The following DIAPH1 variants were observed in gnomAD, a reference collection of about 807,000 sequenced individuals.
DIAPH1 encodes protein diaphanous homolog 1.
A neutral mutation model predicts 140.7 loss-of-function variants in DIAPH1; 46 were observed. That is an observed-to-expected ratio of 0.33 (90% CI 0.26 to 0.42). DIAPH1 has a LOEUF of 0.42. DIAPH1 is among the 10% of genes least tolerant of loss of function. DIAPH1 has a pLI of 1.00. For missense variants in DIAPH1, 1,310 were observed against 1,558.7 expected, an observed-to-expected ratio of 0.84 and a Z score of 2.69; for synonymous variants, 565 against 551.6, an observed-to-expected ratio of 1.02 and a Z score of -0.34.
intron 5 of DIAPH1, 27 bp downstream of exon 5, chr5:141,583,458 C>T: frequency 6.2e-7 from 1 of 1,614,234 alleles, no homozygotes; most frequent in Non-Finnish European, 8.5e-7. Flanking sequence ...TTGGCTCCTA[C>T]TCCTGTTACC....
At chr5:141,552,129 T>C (rs2099891788) in intron 18 of DIAPH1, among the ~76,000 whole-genome samples, 1 of 152,036 alleles carries the variant, frequency 6.6e-6, no homozygotes, top group Non-Finnish European at 1.5e-5. Context: ...TTAAGGATCT[T>C]GAGATGACAG....
chr5:141,560,476 A>G (rs1160566136), intron 18 of DIAPH1: 2 of 157,710 alleles, frequency 1.3e-5, no homozygotes, highest in Admixed American at 6.3e-5. Context: ...TCTCTTTTAT[A>G]TCTCTCAATT....
chr5:141,618,203 A>C (rs986707354), intron 1 of DIAPH1, among the ~76,000 whole-genome samples: 6 of 152,206 alleles, frequency 3.9e-5, no homozygotes, highest in Non-Finnish European at 7.3e-5. Flanking sequence ...CATTCCTGTA[A>C]TCGCAAGGAC....
At chr5:141,559,818 G>C (rs930976591) in intron 18 of DIAPH1, among the ~76,000 whole-genome samples, 9 of 152,144 alleles carry the variant, frequency 5.9e-5, no homozygotes, top group African/African-American at 2.2e-4. Flanking sequence ...CTAGAGGGCA[G>C]AAGAAAAGGC....
At chr5:141,602,864 T>C (rs894701833) in intron 1 of DIAPH1, among the ~76,000 whole-genome samples, 1 of 152,144 alleles carries the variant, frequency 6.6e-6, no homozygotes, top group East Asian at 1.9e-4. Context: ...ACAACAGCAA[T>C]TGAATCAACA....
At chr5:141,529,026 A>C in intron 21 of DIAPH1, 85 bp from the exon 22 acceptor site, 1 of 1,585,690 alleles carries the variant, frequency 6.3e-7, no homozygotes, top group Non-Finnish European at 8.7e-7. Flanking sequence ...CTATGGGAGG[A>C]TCACAGCTCC....
intron 1 of DIAPH1, among the ~76,000 whole-genome samples, chr5:141,595,008 T>C (rs1452758761): frequency 1.4e-5 from 2 of 141,096 alleles, no homozygotes; most frequent in Admixed American, 1.5e-4. Flanking sequence ...GCCATTGCAC[T>C]CCAGCCTGGG....
rs2154594993 is a variant in DIAPH1, at chr5:141,528,598, GA to G, written c.3019-17del. 1.2e-6 allele frequency: 2 copies of G among 1,614,206 alleles called. No individual in the cohort carries two copies. The highest frequency in any genetic ancestry group is 1.7e-6 in the Non-Finnish European group (2 of 1,180,042). The stretch of plus-strand genomic sequence containing the variant: ...TGTCTCGAAGCTTAGAGAAAGAGGA[GA>G]AACTGTTAAATCCTGACATGTCCAA... On this transcript the variant is annotated splice_polypyrimidine_tract_variant and intron_variant, in intron 22 of 27. Coordinates refer to ENST00000389054, the MANE Select transcript of DIAPH1 (RefSeq NM_005219.5).
At chr5:141,573,165 G>A (rs376133589) in intron 16 of DIAPH1, among the ~76,000 whole-genome samples, 16 of 152,174 alleles carry the variant, frequency 1.1e-4, no homozygotes, top group African/African-American at 3.6e-4. Context: ...GGCCGGGCGC[G>A]GTGGCTCACG....
chr5:141,616,030 G>T (rs1466910150), intron 1 of DIAPH1, among the ~76,000 whole-genome samples: 1 of 152,188 alleles, frequency 6.6e-6, no homozygotes, highest in South Asian at 2.1e-4. Context: ...GAAAGGAAAT[G>T]GAATAATGCC....
At position 141,580,759 on chromosome 5, in the gene DIAPH1, G is replaced by T. The variant is rs771425207; in HGVS notation, c.809C>A (p.Pro270Gln). 1 of 1,614,064 alleles carries T rather than the reference G, an allele frequency of 6.2e-7. No homozygotes were observed. Among genetic ancestry groups the T allele is most frequent in the East Asian group, 2.2e-5 (1 of 44,880 alleles). ...AKLLSALCIL[P>Q]QPEDMNERVL... ...AGTCACATACATGTCCTCTGGCTGC[G>T]GTAGAATACAAAGAGCAGAAAGCAG... Residue 270 changes from proline to glutamine, a missense_variant, in exon 8 of 28, where the codon CCG (proline) becomes CAG (glutamine). By Grantham distance (76) the Pro-to-Gln change is moderately conservative (BLOSUM62 -1). Transcript: ENST00000389054.
intron 24 of DIAPH1, among the ~76,000 whole-genome samples, chr5:141,526,844 G>A (rs2099887405): frequency 7.2e-6 from 1 of 138,854 alleles, no homozygotes; most frequent in South Asian, 2.4e-4. Flanking sequence ...CTACAGGCGC[G>A]CACCATCACG....
rs1426398756 is a variant in DIAPH1, at chr5:141,591,712, A to ATATATATATATATATATATT, written c.118-3463_118-3462insAATATATATATATATATATA. On this transcript the variant is annotated intron_variant, in intron 1 of 27. Coordinates refer to ENST00000389054, the MANE Select transcript of DIAPH1 (RefSeq NM_005219.5). ...GAGATGGGGATATATATATATATAT[A>ATATATATATATATATATATT]TATATATATATATATGAAGGAAGAT... 3.9e-4 allele frequency among the ~76,000 whole-genome samples: 28 copies of ATATATATATATATATATATT among 71,666 alleles called. 2 individuals are homozygous for ATATATATATATATATATATT. The highest frequency in any genetic ancestry group is 1.4e-3 in the South Asian group (3 of 2,168). 47.0% of individuals were successfully genotyped at this position (71,666 alleles called of 152,430 possible). A position where few individuals can be genotyped will look rare whatever the true frequency, so the allele number is the denominator to read the frequency against.
At chr5:141,520,094 T>A (rs901444633) in intron 27 of DIAPH1, among the ~76,000 whole-genome samples, 18 of 152,184 alleles carry the variant, frequency 1.2e-4, no homozygotes, top group African/African-American at 4.3e-4. Flanking sequence ...AAACGTAGGC[T>A]AGGAACTATT....
chr5:141,567,346 T>C (rs1213769844), intron 18 of DIAPH1, among the ~76,000 whole-genome samples: 1 of 152,174 alleles, frequency 6.6e-6, no homozygotes, highest in Non-Finnish European at 1.5e-5. Context: ...GAAGAAGTTC[T>C]GGAAACCCCA....
rs377299245 is a variant in DIAPH1 at position 141,580,935 on chromosome 5, T to A, written c.685-52A>T. ...AGGCTGAAAGACGAAAGCATCTAAC[T>A]GGGGGACAAGTTTACGGGTTGTTAT... On this transcript the variant is annotated intron_variant, in intron 7 of 27. Coordinates refer to ENST00000389054, the MANE Select transcript of DIAPH1 (RefSeq NM_005219.5). 5.3e-4 allele frequency: 857 copies of A among 1,613,170 alleles called. 8 individuals carry two copies. The highest frequency in any genetic ancestry group is 1.7e-4 in the Middle Eastern group (1 of 6,056).
chr5:141,547,601 C>T (rs753323210), intron 18 of DIAPH1, among the ~76,000 whole-genome samples: 1 of 151,808 alleles, frequency 6.6e-6, no homozygotes, highest in Non-Finnish European at 1.5e-5. Flanking sequence ...AAGACAGTAA[C>T]AAAGATCCAA....
intron 18 of DIAPH1, among the ~76,000 whole-genome samples, chr5:141,543,677 AAAGATGTTTGGT>A (rs2099890340): frequency 6.6e-6 from 1 of 152,202 alleles, no homozygotes; most frequent in Admixed American, 6.5e-5. Flanking sequence ...CTAGGCTAAG[AAAGATGTTTGGT>A]AAGTTAGGTG....
intron 19 of DIAPH1, 88 bp downstream of exon 19, chr5:141,534,247 A>C (rs990825679): frequency 1.9e-6 from 2 of 1,037,686 alleles, no homozygotes; most frequent in Admixed American, 3.5e-5. Context: ...TTAAAGTTCC[A>C]TATCAAGGGA....
Sources: allele counts gnomAD v4.1 joint callset (sites outside exome capture counted in the v4.1 genomes callset), GRCh38; gene constraint gnomAD v4.1.1; transcripts MANE v1.5; gene names NCBI Gene and HGNC (gene_info 2026-07-23, HGNC 2026-07-21).